Variants in DDAH1 observed in about 807,000 individuals in gnomAD.
DDAH1 encodes dimethylarginine dimethylaminohydrolase 1.
DDAH1 carries 19 observed loss-of-function variants against 28.8 expected under a neutral mutation model. The ratio of observed to expected loss-of-function variants is 0.66; its 90% confidence interval spans 0.46 to 0.97. DDAH1 has a LOEUF of 0.97. DDAH1 is among the 50% of genes least tolerant of loss of function. The pLI is 0.00. For synonymous variants in DDAH1, 153 were observed against 154.4 expected, an observed-to-expected ratio of 0.99 and a Z score of 0.07; for missense variants, 326 against 375.9, an observed-to-expected ratio of 0.87 and a Z score of 1.10.
chr1:85,473,761 C>A (rs1232921844), intron 2 of DDAH1, among the ~76,000 whole-genome samples: 1 of 152,172 alleles, frequency 6.6e-6, no homozygotes, highest in Non-Finnish European at 1.5e-5. Flanking sequence ...TACTCCATTG[C>A]TTTTCCTCAT....
At chr1:85,538,980 T>A (rs1388253151) in intron 1 of DDAH1, among the ~76,000 whole-genome samples, 1 of 152,168 alleles carries the variant, frequency 6.6e-6, no homozygotes, top group Non-Finnish European at 1.5e-5. Context: ...TCCTCTAGAG[T>A]TTCCATTCTT....
chr1:85,567,467 C>T (rs766387475), intron 1 of DDAH1, among the ~76,000 whole-genome samples: 1 of 152,172 alleles, frequency 6.6e-6, no homozygotes, highest in African/African-American at 2.4e-5. Flanking sequence ...TTGCTTGGTG[C>T]CATCCATGTA....
chr1:85,497,434 C>G (rs898774927), intron 1 of DDAH1, among the ~76,000 whole-genome samples: 1 of 152,336 alleles, frequency 6.6e-6, no homozygotes. Flanking sequence ...AGTGTTCTGT[C>G]ATTCTCTGCC....
At chr1:85,401,044 G>A (rs1294225466) in intron 1 of DDAH1, among the ~76,000 whole-genome samples, 1 of 152,128 alleles carries the variant, frequency 6.6e-6, no homozygotes, top group African/African-American at 2.4e-5. Flanking sequence ...AAATGTCCAG[G>A]GTTTCTAAAG....
chr1:85,562,354 C>T (rs1273997081), intron 1 of DDAH1, among the ~76,000 whole-genome samples: 1 of 151,994 alleles, frequency 6.6e-6, no homozygotes, highest in East Asian at 1.9e-4. Context: ...ACCACAAAGA[C>T]CAGTCATGTT....
intron 4 of DDAH1, among the ~76,000 whole-genome samples, chr1:85,343,472 T>C (rs1648634223): frequency 6.6e-6 from 1 of 151,996 alleles, no homozygotes. Flanking sequence ...AATTTCTTAA[T>C]ACACGCATGG....
intron 4 of DDAH1, among the ~76,000 whole-genome samples, chr1:85,336,643 C>A: frequency 6.6e-6 from 1 of 150,724 alleles, no homozygotes. Flanking sequence ...AAAGCAAGAA[C>A]CAAACACAAA....
chr1:85,354,232 T>C lies in DDAH1; in HGVS notation c.404-2653A>G, dbSNP rs952586370. 2.2e-4 allele frequency among the ~76,000 whole-genome samples: 33 copies of C among 152,292 alleles called. No homozygotes were observed. In the South Asian group the frequency reaches 2.3e-3, roughly 11 times the overall value. Reference sequence around the variant, plus strand: ...TTTCCTACTGACTGTCCTACATTCTTGCTTTGACTGGTTGCTTCCTCTTAT... The same window carrying C: ...TTTCCTACTGACTGTCCTACATTCTCGCTTTGACTGGTTGCTTCCTCTTAT... On this transcript the variant is annotated intron_variant, in intron 2 of 5. Coordinates refer to ENST00000284031, the MANE Select transcript of DDAH1 (RefSeq NM_012137.4).
At chr1:85,348,853 T>G (rs781205933) in intron 4 of DDAH1, among the ~76,000 whole-genome samples, 2 of 152,236 alleles carry the variant, frequency 1.3e-5, no homozygotes, top group Non-Finnish European at 2.9e-5. Flanking sequence ...ACCAAATGAT[T>G]TGAGTTAGGG....
At chr1:85,433,346 C>T (rs776073079) in intron 1 of DDAH1, among the ~76,000 whole-genome samples, 1 of 152,096 alleles carries the variant, frequency 6.6e-6, no homozygotes, top group Admixed American at 6.6e-5. Flanking sequence ...TTCTTCTCCA[C>T]CTTCGCACAT....
At chr1:85,376,479 C>T (rs1412317704) in intron 1 of DDAH1, among the ~76,000 whole-genome samples, 1 of 152,098 alleles carries the variant, frequency 6.6e-6, no homozygotes, top group Non-Finnish European at 1.5e-5. Flanking sequence ...CATCTTAGAG[C>T]TTTAGAAGAA....
intron 1 of DDAH1, among the ~76,000 whole-genome samples, chr1:85,555,122 A>G (rs1048815800): frequency 6.6e-6 from 1 of 152,238 alleles, no homozygotes; most frequent in African/African-American, 2.4e-5. Flanking sequence ...TCATCTTTAA[A>G]TGCTTCTTGG....
chr1:85,336,051 C>T (rs2100811319), intron 4 of DDAH1, among the ~76,000 whole-genome samples: 1 of 151,484 alleles, frequency 6.6e-6, no homozygotes, highest in South Asian at 2.1e-4. Flanking sequence ...GAGAGACAGA[C>T]TCCAATACAA....
chr1:85,490,018 A>C (rs910535134), intron 2 of DDAH1, among the ~76,000 whole-genome samples: 1 of 152,164 alleles, frequency 6.6e-6, no homozygotes, highest in African/African-American at 2.4e-5. Context: ...ATACTGTTTC[A>C]AGAGGTAGGC....
intron 1 of DDAH1, among the ~76,000 whole-genome samples, chr1:85,382,821 G>A (rs980921022): frequency 1.3e-5 from 2 of 152,192 alleles, no homozygotes; most frequent in Non-Finnish European, 2.9e-5. Flanking sequence ...CTCTGACTGT[G>A]CTCTACAAAT....
chr1:85,426,580 T>C (rs1653402056), intron 1 of DDAH1, among the ~76,000 whole-genome samples: 1 of 152,184 alleles, frequency 6.6e-6, no homozygotes, highest in African/African-American at 2.4e-5. Flanking sequence ...TAATTTAATA[T>C]TGCCTATCAA....
intron 1 of DDAH1, among the ~76,000 whole-genome samples, chr1:85,518,595 C>T (rs1257459356): frequency 6.6e-6 from 1 of 152,166 alleles, no homozygotes; most frequent in Non-Finnish European, 1.5e-5. Flanking sequence ...CTTCTACCAT[C>T]ACATCTCTCC....
rs554062339 is a variant in DDAH1, at chr1:85,475,920, C to T, written c.-7+20246G>A. Among the ~76,000 whole-genome samples the T allele has an allele frequency of 5.9e-5, 9 of 152,258 alleles. No homozygotes were observed. In the South Asian group the frequency reaches 1.7e-3, roughly 28 times the overall value. On this transcript the variant is annotated intron_variant, in intron 2 of 6. Transcript: ENST00000426972. ...AGGCTGGAGTGCAATGGCACAATCT[C>T]GGCTCACTGCAACCTCTACCTCCCA...
At chr1:85,547,238 C>T (rs1167057536) in intron 1 of DDAH1, among the ~76,000 whole-genome samples, 1 of 152,142 alleles carries the variant, frequency 6.6e-6, no homozygotes, top group Non-Finnish European at 1.5e-5. Context: ...CTAATAGTAC[C>T]TACGTCAGAG....
Sources: allele counts gnomAD v4.1 joint callset (sites outside exome capture counted in the v4.1 genomes callset), GRCh38; gene constraint gnomAD v4.1.1; transcripts MANE v1.5; gene names NCBI Gene and HGNC (gene_info 2026-07-23, HGNC 2026-07-21).